Variants in THRB observed in about 807,000 individuals in gnomAD.
THRB encodes nuclear receptor subfamily 1 group A member 2.
A neutral mutation model predicts 47.8 loss-of-function variants in THRB; 12 were observed. That is an observed-to-expected ratio of 0.25 (90% CI 0.16 to 0.41). THRB has a LOEUF of 0.41. Ranked by LOEUF, THRB falls within the 10% of genes least tolerant of loss-of-function variation. The pLI is 1.00. For synonymous variants in THRB, 218 were observed against 212.2 expected (o/e 1.03, Z -0.24); for missense variants, 348 against 589.2 (o/e 0.59, Z 4.24).
intron 4 of THRB, among the ~76,000 whole-genome samples, chr3:24,204,542 A>G (rs1325581623): frequency 6.6e-6 from 1 of 152,226 alleles, no homozygotes; most frequent in Non-Finnish European, 1.5e-5. Flanking sequence ...ATAAAACCAC[A>G]AAGATGGGGA....
At chr3:24,420,134 A>G (rs2069106195) in intron 1 of THRB, among the ~76,000 whole-genome samples, 1 of 151,952 alleles carries the variant, frequency 6.6e-6, no homozygotes, top group African/African-American at 2.4e-5. Flanking sequence ...CATAGTGCTT[A>G]GCAAATGTTA....
At chr3:24,149,916 G>A (rs1025615846) in intron 6 of THRB, among the ~76,000 whole-genome samples, 1 of 152,188 alleles carries the variant, frequency 6.6e-6, no homozygotes, top group African/African-American at 2.4e-5. Flanking sequence ...TTGGTAAGAA[G>A]AGGTCTTGCT....
chr3:24,401,031 A>T (rs917828918), intron 1 of THRB, among the ~76,000 whole-genome samples: 14 of 152,086 alleles, frequency 9.2e-5, no homozygotes, highest in Admixed American at 6.6e-4. Flanking sequence ...AGTGTCTGAG[A>T]CTACAGTACT....
chr3:24,323,074 C>G (rs913329747), intron 2 of THRB, among the ~76,000 whole-genome samples: 3 of 152,120 alleles, frequency 2.0e-5, no homozygotes, highest in Non-Finnish European at 4.4e-5. Context: ...TAGCAGAAGG[C>G]CTATTGGTGT....
intron 1 of THRB, among the ~76,000 whole-genome samples, chr3:24,421,992 C>T (rs1159781584): frequency 6.6e-6 from 1 of 151,924 alleles, no homozygotes; most frequent in East Asian, 1.9e-4. Context: ...TCCCCATCAA[C>T]AAGAATGTGG....
intron 1 of THRB, among the ~76,000 whole-genome samples, chr3:24,485,459 G>T (rs1019865061): frequency 6.6e-6 from 1 of 152,194 alleles, no homozygotes; most frequent in African/African-American, 2.4e-5. Flanking sequence ...TCATCTCTCA[G>T]TGGACTATTC....
intron 8 of THRB, among the ~76,000 whole-genome samples, chr3:24,138,303 C>A (rs1258872562): frequency 6.6e-6 from 1 of 151,988 alleles, no homozygotes; most frequent in African/African-American, 2.4e-5. Context: ...GACAGGAAGA[C>A]CTGGGCAGAT....
At chr3:24,224,418 TTA>T (rs1484334117) in intron 4 of THRB, among the ~76,000 whole-genome samples, 71 of 152,278 alleles carry the variant, frequency 4.7e-4, no homozygotes, top group African/African-American at 1.4e-3. Flanking sequence ...AGTGTTAACA[TTA>T]GTTATTTTTG....
chr3:24,285,958 G>T (rs916676646), intron 3 of THRB, among the ~76,000 whole-genome samples: 3 of 152,168 alleles, frequency 2.0e-5, no homozygotes, highest in East Asian at 1.9e-4. Flanking sequence ...GCGGTAGTTG[G>T]GTTAGATTAG....
At chr3:24,228,844 A>T (rs759785635) in intron 4 of THRB, 94 bp downstream of exon 4, 94 of 1,228,208 alleles carry the variant, frequency 7.7e-5, no homozygotes, top group Non-Finnish European at 1.1e-4. Context: ...AACGGTTGCT[A>T]AAACTCGCAA....
chr3:24,237,717 A>G (rs768389305), intron 3 of THRB, among the ~76,000 whole-genome samples: 1 of 152,122 alleles, frequency 6.6e-6, no homozygotes, highest in Non-Finnish European at 1.5e-5. Flanking sequence ...GGACGTGCAC[A>G]CTTAATCCAT....
chr3:24,368,845 C>T (rs2064692582), intron 1 of THRB, among the ~76,000 whole-genome samples: 1 of 152,182 alleles, frequency 6.6e-6, no homozygotes, highest in Non-Finnish European at 1.5e-5. Flanking sequence ...GCAAGATTTA[C>T]TCAGCATTGT....
chr3:24,205,407 A>G (rs1316489381), intron 4 of THRB, among the ~76,000 whole-genome samples: 2 of 152,234 alleles, frequency 1.3e-5, no homozygotes, highest in Non-Finnish European at 2.9e-5. Context: ...ACTAAGCTTC[A>G]TAAGTGAAGG....
chr3:24,154,357 A>G (rs866896823), intron 5 of THRB, among the ~76,000 whole-genome samples: 2 of 152,238 alleles, frequency 1.3e-5, no homozygotes, highest in Non-Finnish European at 1.5e-5. Flanking sequence ...TTTAGCATCT[A>G]CATGTGCTTA....
intron 2 of THRB, among the ~76,000 whole-genome samples, chr3:24,333,184 G>A (rs1015654446): frequency 1.3e-5 from 2 of 152,038 alleles, no homozygotes; most frequent in African/African-American, 4.8e-5. Flanking sequence ...CAGTTTGGTG[G>A]ATGAAAATGC....
chr3:24,461,356 G>A (rs560317597), intron 1 of THRB, among the ~76,000 whole-genome samples: 10 of 152,262 alleles, frequency 6.6e-5, no homozygotes, highest in East Asian at 5.8e-4. Flanking sequence ...AGAATTAAGC[G>A]TAATGTTTAT....
intron 1 of THRB, among the ~76,000 whole-genome samples, chr3:24,418,892 C>G (rs916769359): frequency 3.3e-5 from 5 of 151,934 alleles, no homozygotes; most frequent in African/African-American, 1.2e-4. Context: ...AATGGCTGTT[C>G]AGTCATCCCA....
intron 1 of THRB, among the ~76,000 whole-genome samples, chr3:24,490,613 T>C (rs1319375701): frequency 6.6e-6 from 1 of 152,140 alleles, no homozygotes; most frequent in African/African-American, 2.4e-5. Context: ...ATAAGAGCTA[T>C]ATAGACTAAA....
chr3:24,482,542 T>C (rs1347731851), intron 1 of THRB, among the ~76,000 whole-genome samples: 1 of 143,854 alleles, frequency 7.0e-6, no homozygotes, highest in Non-Finnish European at 1.5e-5. Context: ...TGTCTCCCTC[T>C]CTCTCTCTCT....
Sources: gnomAD v4.1 joint callset for allele counts (sites outside exome capture counted in the v4.1 genomes callset) on GRCh38, gnomAD v4.1.1 for gene constraint, MANE v1.5 for transcripts, NCBI Gene and HGNC (gene_info 2026-07-23, HGNC 2026-07-21) for gene names.